Variants in PDE7B observed in about 807,000 individuals in gnomAD.
PDE7B encodes 3',5'-cyclic-AMP phosphodiesterase 7B.
In PDE7B, 29 loss-of-function variants were observed where a neutral mutation model predicts 56.2. That is an observed-to-expected ratio of 0.52 (90% CI 0.38 to 0.70). The LOEUF (loss-of-function observed/expected upper bound fraction) is 0.70, where lower values mean the gene tolerates loss of function less well. Ranked by LOEUF, PDE7B falls within the 30% of genes least tolerant of loss-of-function variation. The pLI, the probability that PDE7B is intolerant of heterozygous loss-of-function variation, is 0.00. For synonymous variants in PDE7B, 197 were observed against 196.9 expected (o/e 1.00, Z 0.00); for missense variants, 490 against 565.0 (o/e 0.87, Z 1.35).
At chr6:136,068,310 C>A (rs1406045052) in intron 2 of PDE7B, among the ~76,000 whole-genome samples, 2 of 151,234 alleles carry the variant, frequency 1.3e-5, no homozygotes, top group Non-Finnish European at 2.9e-5. Context: ...CGTGCCAGGT[C>A]ATTAGTGGAT....
chr6:135,944,253 C>A (rs534269268), intron 1 of PDE7B, among the ~76,000 whole-genome samples: 1 of 152,204 alleles, frequency 6.6e-6, no homozygotes, highest in Admixed American at 6.5e-5. Context: ...CAGGACAGAT[C>A]CTGCAGTTTT....
intron 8 of PDE7B, chr6:136,156,200 TG>T (rs1778602360): frequency 3.0e-6 from 1 of 332,326 alleles, no homozygotes; most frequent in Non-Finnish European, 5.9e-6. Context: ...TGTGTGTGTG[TG>T]TTTTCAGAAA....
intron 2 of PDE7B, among the ~76,000 whole-genome samples, chr6:136,062,934 T>C (rs1021478796): frequency 4.6e-5 from 7 of 152,194 alleles, no homozygotes; most frequent in African/African-American, 1.7e-4. Context: ...GAGCAGAGAC[T>C]GTTAACACTG....
chr6:136,057,959 A>C (rs1403161908), intron 2 of PDE7B, among the ~76,000 whole-genome samples: 1 of 151,960 alleles, frequency 6.6e-6, no homozygotes, highest in Non-Finnish European at 1.5e-5. Flanking sequence ...CTGGTCTCGA[A>C]CTCCTGACCT....
At chr6:136,163,873 T>A (rs2128448923) in intron 8 of PDE7B, among the ~76,000 whole-genome samples, 1 of 152,356 alleles carries the variant, frequency 6.6e-6, no homozygotes, top group Admixed American at 6.5e-5. Flanking sequence ...CACCTAAGCC[T>A]AGACTTTATT....
intron 2 of PDE7B, among the ~76,000 whole-genome samples, chr6:135,999,254 T>A (rs1384344597): frequency 6.6e-6 from 1 of 152,218 alleles, no homozygotes; most frequent in Non-Finnish European, 1.5e-5. Context: ...AACCTTTGTT[T>A]ACCTTTTTTT....
At chr6:136,155,959 A>G in intron 8 of PDE7B, 1 of 699,032 alleles carries the variant, frequency 1.4e-6, no homozygotes, top group Non-Finnish European at 2.7e-6. Flanking sequence ...ACTTAATCCC[A>G]GTTTGAAAGA....
chr6:136,147,564 A>G, intron 4 of PDE7B, 62 bp downstream of exon 4: 1 of 1,431,094 alleles, frequency 7.0e-7, no homozygotes, highest in Non-Finnish European at 9.8e-7. Flanking sequence ...GCCTCAGCTG[A>G]TAGCACTGGT....
chr6:135,892,503 C>T (rs1775826696), intron 1 of PDE7B, among the ~76,000 whole-genome samples: 1 of 152,102 alleles, frequency 6.6e-6, no homozygotes, highest in African/African-American at 2.4e-5. Flanking sequence ...GAGATATTTC[C>T]TATACTTTCT....
intron 1 of PDE7B, among the ~76,000 whole-genome samples, chr6:135,903,869 A>G (rs1482408472): frequency 6.6e-6 from 1 of 152,258 alleles, no homozygotes. Context: ...GTGCCCTAGA[A>G]GGACCATTCT....
intron 1 of PDE7B, among the ~76,000 whole-genome samples, chr6:135,877,387 T>G (rs1449404464): frequency 6.8e-6 from 1 of 146,952 alleles, no homozygotes; most frequent in East Asian, 2.0e-4. Flanking sequence ...ACCTTAGATA[T>G]CCTGTACCAT....
At chr6:136,185,744 G>GAAACATA in intron 11 of PDE7B, among the ~76,000 whole-genome samples, 1 of 152,182 alleles carries the variant, frequency 6.6e-6, no homozygotes, top group Admixed American at 6.5e-5. Context: ...TAGCCTGGGT[G>GAAACATA]ACAGAGTAAG....
At chr6:136,106,069 T>C (rs1202911027) in intron 2 of PDE7B, among the ~76,000 whole-genome samples, 5 of 149,504 alleles carry the variant, frequency 3.3e-5, no homozygotes, top group African/African-American at 1.2e-4. Flanking sequence ...GAGAAGAAAA[T>C]ACTAATGGAG....
At chr6:136,129,306 T>C (rs1389694037) in intron 3 of PDE7B, among the ~76,000 whole-genome samples, 1 of 152,162 alleles carries the variant, frequency 6.6e-6, no homozygotes, top group Non-Finnish European at 1.5e-5. Context: ...AGGATGGTGC[T>C]AAGTCTCATC....
chr6:135,872,016 G>A (rs539290415), intron 1 of PDE7B, among the ~76,000 whole-genome samples: 12 of 152,250 alleles, frequency 7.9e-5, no homozygotes, highest in African/African-American at 1.9e-4. Flanking sequence ...CAAGCAATGC[G>A]GGAGAAATTT....
chr6:135,941,630 C>T (rs1355865626), intron 1 of PDE7B, among the ~76,000 whole-genome samples: 2 of 152,230 alleles, frequency 1.3e-5, no homozygotes, highest in African/African-American at 4.8e-5. Context: ...CCAATAATTT[C>T]ATAAACATCT....
intron 2 of PDE7B, among the ~76,000 whole-genome samples, chr6:136,011,484 A>T (rs542061476): frequency 6.6e-6 from 1 of 152,376 alleles, no homozygotes; most frequent in African/African-American, 2.4e-5. Context: ...CAGATCTCTT[A>T]TTATGAATGG....
At chr6:135,863,673 T>G (rs78139011) in intron 1 of PDE7B, among the ~76,000 whole-genome samples, 1 of 150,874 alleles carries the variant, frequency 6.6e-6, no homozygotes, top group Admixed American at 6.6e-5. Context: ...AATTTTACCA[T>G]AGTAAAACAT....
chr6:136,151,398 A>T (rs1015092025), intron 6 of PDE7B, 143 bp downstream of exon 6: 2 of 548,140 alleles, frequency 3.6e-6, no homozygotes, highest in Non-Finnish European at 6.5e-6. Context: ...TTACTTTTAA[A>T]ATATGGCTTG....
Sources: allele counts gnomAD v4.1 joint callset (sites outside exome capture counted in the v4.1 genomes callset), GRCh38; gene constraint gnomAD v4.1.1; transcripts MANE v1.5; gene names NCBI Gene and HGNC (gene_info 2026-07-23, HGNC 2026-07-21).